Variants in GUCY1A1 observed in about 807,000 individuals in gnomAD.
GUCY1A1 encodes the protein guanylate cyclase 1 soluble subunit alpha 1.
In GUCY1A1, 48 loss-of-function variants were observed where a neutral mutation model predicts 64.5. The ratio of observed to expected loss-of-function variants is 0.74; its 90% CI spans 0.59 to 0.95. The LOEUF is 0.95. GUCY1A1 is among the 40% of genes least tolerant of loss of function. The pLI is 0.00. For synonymous variants in GUCY1A1, 308 were observed against 303.4 expected, an observed-to-expected ratio of 1.02 and a Z score of -0.16; for missense variants, 804 against 825.3, an observed-to-expected ratio of 0.97 and a Z score of 0.32.
chr4:155,691,558 T>C (rs911703154), intron 2 of GUCY1A1, among the ~76,000 whole-genome samples: 1 of 152,224 alleles, frequency 6.6e-6, no homozygotes, highest in Non-Finnish European at 1.5e-5. Flanking sequence ...ACAAACTTTA[T>C]CCTTACTAAG....
Position 155,687,785 on chromosome 4 carries a change from G to A in GUCY1A1, c.-112-8971G>A, listed in dbSNP as rs185551240. Among the ~76,000 whole-genome samples, 3 of 152,230 alleles carry A rather than the reference G, an allele frequency of 2.0e-5. No individual in the cohort carries two copies. The East Asian group carries it at 5.8e-4, about 29-fold the overall frequency. ...CAGGCCATCTGTTCATGTAGCCTAA[G>A]CTTTTAACTGCTACGCCAACTCCAC... On this transcript the variant is annotated intron_variant, in intron 2 of 9. Coordinates refer to ENST00000506455, the MANE Select transcript of GUCY1A1 (RefSeq NM_001130682.3).
At chr4:155,682,448 G>A (rs1735913810) in intron 2 of GUCY1A1, among the ~76,000 whole-genome samples, 1 of 152,098 alleles carries the variant, frequency 6.6e-6, no homozygotes, top group South Asian at 2.1e-4. Context: ...AGGCTGAGCG[G>A]GGCGGATCAC....
intron 2 of GUCY1A1, among the ~76,000 whole-genome samples, chr4:155,686,045 C>T (rs1005889432): frequency 6.6e-6 from 1 of 152,172 alleles, no homozygotes; most frequent in Non-Finnish European, 1.5e-5. Flanking sequence ...CCCTGTGTCT[C>T]TTACTTTAAC....
In GUCY1A1 at chr4:155,731,663, A is replaced by G. The variant is rs906864565; in HGVS notation, c.*1432A>G. ...AGCTTGAATTTAAAGCAAGAAAAAG[A>G]TGAACGTTATAGTTTTAAAATCAAT... On this transcript the variant is annotated 3_prime_UTR_variant, in exon 10 of 10. Coordinates refer to ENST00000506455, the MANE Select transcript of GUCY1A1 (RefSeq NM_001130682.3). 3 of 151,860 alleles carry G rather than the reference A, an allele frequency of 2.0e-5. No homozygotes were observed. Among genetic ancestry groups the G allele is most frequent in the African/African-American group, 2.4e-5 (1 of 41,424 alleles). The allele number at this position is 151,860 out of a possible 1,614,324, so 9.4% of individuals were successfully genotyped here. A position where few individuals can be genotyped will look rare whatever the true frequency, so the allele number is the denominator to read the frequency against.
intron 2 of GUCY1A1, among the ~76,000 whole-genome samples, chr4:155,678,128 C>G (rs1439665618): frequency 2.6e-5 from 4 of 152,066 alleles, no homozygotes; most frequent in Non-Finnish European, 4.4e-5. Flanking sequence ...TACACTTATA[C>G]TTTAAACCTA....
intron 6 of GUCY1A1, among the ~76,000 whole-genome samples, chr4:155,712,412 A>G (rs558302510): frequency 6.6e-6 from 1 of 152,288 alleles, no homozygotes; most frequent in Admixed American, 6.5e-5. Flanking sequence ...TTATTTAACT[A>G]GTACCCTACT....
In GUCY1A1 at chr4:155,716,636, G is replaced by C. The variant is rs191023052; in HGVS notation, c.1573-523G>C. Among the ~76,000 whole-genome samples the C allele has an allele frequency of 2.9e-3, 442 of 151,986 alleles. 1 individual carries two copies. The highest frequency in any genetic ancestry group is 4.2e-3 in the Non-Finnish European group (287 of 67,956). On this transcript the variant is annotated intron_variant, in intron 7 of 9. Transcript: ENST00000506455. ...ATGTAATTGCTATGAGGACCCCAAG[G>C]GTCCTTTAGAAGAACCGTTTCTCTT...
rs546839001 is a variant in GUCY1A1, at chr4:155,715,377, G to A, written c.1573-1782G>A. On this transcript the variant is annotated intron_variant, in intron 7 of 9. Transcript: ENST00000506455. The stretch of plus-strand genomic sequence containing the variant: ...TTTTATTTTCTCTCTGTCTTTCTTG[G>A]GTTTTTGGCCATTTTTCTGTTTCTC... Among the ~76,000 whole-genome samples, 7 of 152,088 alleles carry A rather than the reference G, an allele frequency of 4.6e-5. No individual in the cohort carries two copies. In the South Asian group the frequency reaches 1.5e-3, roughly 32 times the overall value.
intron 2 of GUCY1A1, among the ~76,000 whole-genome samples, chr4:155,688,444 TAAAAG>T (rs1055074201): frequency 1.3e-5 from 2 of 152,168 alleles, no homozygotes; most frequent in African/African-American, 4.8e-5. Flanking sequence ...TTATGTCACC[TAAAAG>T]AAATCTATCA....
chr4:155,695,695 AC>A lies in GUCY1A1; in HGVS notation c.-112-1059del, dbSNP rs1730319405. Among the ~76,000 whole-genome samples, 4 of 152,140 alleles carry A rather than the reference AC, an allele frequency of 2.6e-5. No individual in the cohort carries two copies. In the South Asian group the frequency reaches 8.3e-4, roughly 31 times the overall value. On this transcript the variant is annotated intron_variant, in intron 2 of 9. Transcript: ENST00000506455. ...CTTCTCACCCATTGGGGATAATAAT[AC>A]CTGTGTTATGTGGTTGCTGTGAGGA...
At chr4:155,699,102 A>C (rs532814705) in intron 3 of GUCY1A1, among the ~76,000 whole-genome samples, 1 of 150,722 alleles carries the variant, frequency 6.6e-6, no homozygotes, top group African/African-American at 2.5e-5. Context: ...TGGTTGTATC[A>C]TATTTCCCTG....
rs184783259 is a variant in GUCY1A1 at position 155,724,538 on chromosome 4, T to C, written c.1871+2346T>C. ...AAATAAAATCACTGTCAGTTTTCTC[T>C]CCTTATCCTCTCAGAAGCATTTGAA... On this transcript the variant is annotated intron_variant, in intron 9 of 9. Transcript: ENST00000506455. Among the ~76,000 whole-genome samples, 21 of 152,210 alleles carry C rather than the reference T, an allele frequency of 1.4e-4. No individual in the cohort carries two copies. In the East Asian group the frequency reaches 3.5e-3, roughly 25 times the overall value.
intron 2 of GUCY1A1, among the ~76,000 whole-genome samples, chr4:155,677,695 T>C (rs1735145170): frequency 6.6e-6 from 1 of 151,710 alleles, no homozygotes; most frequent in Non-Finnish European, 1.5e-5. Flanking sequence ...CTATGAAAAA[T>C]ACAAAAATTA....
At chr4:155,668,073 A>C (rs1733609906) in intron 2 of GUCY1A1, 1 of 152,260 alleles carries the variant, frequency 6.6e-6, no homozygotes, top group South Asian at 2.1e-4. Context: ...TAGCAGTCCC[A>C]TTTCTGTTTT....
At chr4:155,717,434 A>T in intron 8 of GUCY1A1, 132 bp downstream of exon 8, 1 of 480,514 alleles carries the variant, frequency 2.1e-6, no homozygotes, top group Non-Finnish European at 3.5e-6. Flanking sequence ...TAGAGAACAC[A>T]ATCTTCTCTA....
Position 155,677,198 on chromosome 4 carries a change from T to C in GUCY1A1, c.-113+9779T>C, listed in dbSNP as rs140035374. On this transcript the variant is annotated intron_variant, in intron 2 of 9. Coordinates refer to ENST00000506455, the MANE Select transcript of GUCY1A1 (RefSeq NM_001130682.3). ...ATGAGTGAGTGAATAAATAATCAGA[T>C]TAGTTGATGAAAGATTCTAAGGGAA... Among the ~76,000 whole-genome samples, 53 of 152,348 alleles carry C rather than the reference T, an allele frequency of 3.5e-4. 2 individuals are homozygous for C. The East Asian group carries it at 0.01, about 29-fold the overall frequency.
At chr4:155,702,570 C>T (rs1379248608) in intron 3 of GUCY1A1, among the ~76,000 whole-genome samples, 1 of 152,182 alleles carries the variant, frequency 6.6e-6, no homozygotes, top group East Asian at 1.9e-4. Flanking sequence ...AGAATCTGCC[C>T]TCTGGGTGCG....
chr4:155,711,313 A>C (rs1313814622), intron 6 of GUCY1A1, 62 bp downstream of exon 6: 21 of 830,770 alleles, frequency 2.5e-5, no homozygotes, highest in Non-Finnish European at 4.1e-5. Flanking sequence ...AGCAAGAAAC[A>C]AAAGGGTAAA....
At chr4:155,723,911 C>T (rs1454363035) in intron 9 of GUCY1A1, among the ~76,000 whole-genome samples, 1 of 152,142 alleles carries the variant, frequency 6.6e-6, no homozygotes, top group African/African-American at 2.4e-5. Context: ...GATCTGCCCA[C>T]CTTGGCCTCC....
Sources: allele counts gnomAD v4.1 joint callset (sites outside exome capture counted in the v4.1 genomes callset), GRCh38; gene constraint gnomAD v4.1.1; transcripts MANE v1.5; gene names NCBI Gene and HGNC (gene_info 2026-07-23, HGNC 2026-07-21).